The following FAM13A variants were observed in gnomAD, a reference collection of about 807,000 sequenced individuals.
FAM13A encodes family with sequence similarity 13 member A.
In FAM13A, 76 loss-of-function variants were observed where a neutral mutation model predicts 129.6. The ratio of observed to expected loss-of-function variants is 0.59; its 90% CI spans 0.49 to 0.71. The LOEUF is 0.71. FAM13A is among the 30% of genes least tolerant of loss of function. The pLI is 0.00. For synonymous variants in FAM13A, 443 were observed against 449.9 expected, an observed-to-expected ratio of 0.98 and a Z score of 0.20; for missense variants, 1,108 against 1,249.3, an observed-to-expected ratio of 0.89 and a Z score of 1.70.
intron 8 of FAM13A, among the ~76,000 whole-genome samples, chr4:88,799,542 T>C (rs1016563891): frequency 5.3e-5 from 8 of 151,894 alleles, no homozygotes; most frequent in African/African-American, 1.7e-4. Context: ...TGGAGTGCCA[T>C]GGCACAATCT....
chr4:88,982,122 A>C (rs948560784), intron 4 of FAM13A, among the ~76,000 whole-genome samples: 2 of 152,234 alleles, frequency 1.3e-5, no homozygotes, highest in African/African-American at 4.8e-5. Flanking sequence ...TGAGGAGGTC[A>C]GAAGGTGTCT....
rs57196313 is a variant in FAM13A at position 88,914,013 on chromosome 4, GAA to G, written c.760-7553_760-7552del. On this transcript the variant is annotated intron_variant, in intron 5 of 23. Transcript: ENST00000264344. ...GTGAGACTCCGTCTCAAAAAAAAAAGAAAAAAAAAAAACTGTCAGTCTTTGAG... is the reference window on the plus strand; with the variant it reads ...GTGAGACTCCGTCTCAAAAAAAAAAGAAAAAAAAAACTGTCAGTCTTTGAG... Among the ~76,000 whole-genome samples the G allele has an allele frequency of 3.6e-3, 518 of 144,442 alleles. 7 individuals carry two copies. The highest frequency in any genetic ancestry group is 0.035 in the East Asian group (172 of 4,920). The allele number at this position is 144,442 out of a possible 152,430, so 94.8% of individuals were successfully genotyped here.
chr4:89,042,368 T>A (rs1770262616), intron 1 of FAM13A, among the ~76,000 whole-genome samples: 1 of 152,170 alleles, frequency 6.6e-6, no homozygotes, highest in Non-Finnish European at 1.5e-5. Context: ...CCCCAAATAG[T>A]GCTCTGTCAG....
chr4:88,925,431 C>T (rs1236554373), intron 5 of FAM13A, among the ~76,000 whole-genome samples: 8 of 151,966 alleles, frequency 5.3e-5, no homozygotes, highest in Admixed American at 2.0e-4. Flanking sequence ...TGGAAATCAT[C>T]ATTCTCAGTA....
At chr4:88,912,596 CA>C (rs1579241641) in intron 5 of FAM13A, among the ~76,000 whole-genome samples, 3 of 151,080 alleles carry the variant, frequency 2.0e-5, no homozygotes, top group Non-Finnish European at 4.4e-5. Flanking sequence ...CACACACACA[CA>C]CACACACCTC....
chr4:88,857,970 A>G (rs891173052), intron 6 of FAM13A, among the ~76,000 whole-genome samples: 9 of 152,346 alleles, frequency 5.9e-5, no homozygotes, highest in Non-Finnish European at 7.3e-5. Context: ...AAATATATTA[A>G]TTCTATTGTG....
chr4:88,989,012 A>G (rs1226454028), intron 4 of FAM13A, among the ~76,000 whole-genome samples: 1 of 152,032 alleles, frequency 6.6e-6, no homozygotes. Context: ...GTTCGAGACC[A>G]GCCTGGCCAA....
chr4:88,999,628 A>G (rs763990534), intron 3 of FAM13A, among the ~76,000 whole-genome samples: 74 of 152,166 alleles, frequency 4.9e-4, no homozygotes, highest in Non-Finnish European at 6.2e-4. Context: ...ATGCTCAGCT[A>G]TAAGTGGCCT....
At chr4:88,986,463 A>T (rs1762259202) in intron 4 of FAM13A, among the ~76,000 whole-genome samples, 1 of 152,242 alleles carries the variant, frequency 6.6e-6, no homozygotes. Context: ...CGTAAGTGTT[A>T]TAAAAATTTA....
At chr4:88,855,557 G>A (rs1310527552) in intron 6 of FAM13A, 1 of 151,856 alleles carries the variant, frequency 6.6e-6, no homozygotes, top group Non-Finnish European at 1.5e-5. Flanking sequence ...AGCAAAAGGA[G>A]GTAGATATAT....
At chr4:88,920,479 C>A (rs536740803) in intron 5 of FAM13A, among the ~76,000 whole-genome samples, 154 of 152,318 alleles carry the variant, frequency 1.0e-3, no homozygotes, top group African/African-American at 3.6e-3. Flanking sequence ...AACAGACCTG[C>A]AGCTGAGGGT....
At chr4:88,813,950 A>C (rs1435970450) in intron 7 of FAM13A, among the ~76,000 whole-genome samples, 1 of 152,182 alleles carries the variant, frequency 6.6e-6, no homozygotes, top group Non-Finnish European at 1.5e-5. Context: ...AGAAAACACA[A>C]TCCCAACTTT....
chr4:88,776,060 C>A (rs955388286), intron 11 of FAM13A, among the ~76,000 whole-genome samples: 1 of 152,028 alleles, frequency 6.6e-6, no homozygotes, highest in Non-Finnish European at 1.5e-5. Flanking sequence ...GGAAGTTGTT[C>A]GTAGATAAGA....
intron 4 of FAM13A, chr4:88,990,702 C>T: frequency 9.6e-6 from 3 of 311,112 alleles, no homozygotes; most frequent in African/African-American, 2.1e-5. Context: ...TTTTAAATGC[C>T]CCTTTTAATT....
At chr4:89,027,013 T>C (rs1768048798) in intron 2 of FAM13A, among the ~76,000 whole-genome samples, 2 of 152,180 alleles carry the variant, frequency 1.3e-5, no homozygotes, top group Non-Finnish European at 2.9e-5. Flanking sequence ...TGGAAAGATA[T>C]GGCCTGAAAC....
intron 5 of FAM13A, among the ~76,000 whole-genome samples, chr4:88,927,935 G>A (rs1300462855): frequency 1.3e-5 from 2 of 151,938 alleles, no homozygotes; most frequent in Non-Finnish European, 2.9e-5. Context: ...CTAGTTCCTT[G>A]AGGTGTGAAG....
At chr4:88,938,389 G>A in intron 4 of FAM13A, 148 bp from the exon 5 acceptor site, 1 of 592,828 alleles carries the variant, frequency 1.7e-6, no homozygotes, top group Non-Finnish European at 2.8e-6. Context: ...TAACATGCAT[G>A]ACATTGTTGG....
chr4:89,012,438 T>C (rs1765854772), intron 3 of FAM13A, among the ~76,000 whole-genome samples: 1 of 152,278 alleles, frequency 6.6e-6, no homozygotes, highest in South Asian at 2.1e-4. Flanking sequence ...CTGAGAGGTA[T>C]TGTGAGGCCT....
At chr4:88,955,436 G>A (rs989508347) in intron 4 of FAM13A, among the ~76,000 whole-genome samples, 1 of 152,040 alleles carries the variant, frequency 6.6e-6, no homozygotes. Flanking sequence ...ACCCAGTCTC[G>A]GGTATGTCTT....
Sources: gnomAD v4.1 joint callset for allele counts (sites outside exome capture counted in the v4.1 genomes callset) on GRCh38, gnomAD v4.1.1 for gene constraint, MANE v1.5 for transcripts, NCBI Gene and HGNC (gene_info 2026-07-23, HGNC 2026-07-21) for gene names.